RNF168: variants seen among roughly 807,000 people sequenced by gnomAD.
RNF168 encodes the protein ring finger protein 168, also known as E3 ubiquitin-protein ligase RNF168.
RNF168 carries 34 observed loss-of-function variants against 34.9 expected under a neutral mutation model. The observed-to-expected ratio is 0.97, with a 90% CI of 0.74 to 1.30. RNF168 has a LOEUF of 1.30. Among genes scored for constraint, RNF168 ranks in the 50% most tolerant of loss-of-function variants. RNF168 has a pLI of 0.00. For missense variants in RNF168, 725 were observed against 682.5 expected (o/e 1.06, Z -0.69); for synonymous variants, 264 against 254.7 (o/e 1.04, Z -0.35).
chr3:196,492,637 G>A (rs1285248228), intron 1 of RNF168, among the ~76,000 whole-genome samples: 1 of 152,048 alleles, frequency 6.6e-6, no homozygotes, highest in Non-Finnish European at 1.5e-5. Context: ...AATTAGCCAC[G>A]TGTGGTGGTG....
chr3:196,496,288 T>C (rs1732740913), intron 1 of RNF168, among the ~76,000 whole-genome samples: 1 of 152,224 alleles, frequency 6.6e-6, no homozygotes, highest in Admixed American at 6.5e-5. Flanking sequence ...AGCAGGGCCA[T>C]GACACTTTTC....
chr3:196,481,272 T>C (rs1205884946), intron 4 of RNF168, among the ~76,000 whole-genome samples: 1 of 152,108 alleles, frequency 6.6e-6, no homozygotes, highest in East Asian at 1.9e-4. Context: ...TGCGTATTCC[T>C]GACCTTACAA....
At chr3:196,479,011 TTTTA>T (rs908118875) in intron 4 of RNF168, among the ~76,000 whole-genome samples, 6 of 146,208 alleles carry the variant, frequency 4.1e-5, no homozygotes, top group African/African-American at 1.3e-4. Context: ...CTGGCCATTA[TTTTA>T]TTTATTTTTT....
chr3:196,490,134 C>T (rs1230555893), intron 1 of RNF168, among the ~76,000 whole-genome samples: 1 of 152,098 alleles, frequency 6.6e-6, no homozygotes, highest in Non-Finnish European at 1.5e-5. Flanking sequence ...ATCCAAGGAT[C>T]GTCAGACATT....
chr3:196,491,259 G>A (rs113021322), intron 1 of RNF168, among the ~76,000 whole-genome samples: 1,988 of 152,208 alleles, frequency 0.013, 57 homozygotes, highest in African/African-American at 0.046. Flanking sequence ...GCTGCAGTGA[G>A]CCGACATTGC....
At chr3:196,481,514 C>T (rs1406186409) in intron 4 of RNF168, among the ~76,000 whole-genome samples, 25 of 151,694 alleles carry the variant, frequency 1.6e-4, no homozygotes, top group Admixed American at 1.4e-3. Context: ...TGGTAGATAT[C>T]CTTCAACAGG....
At chr3:196,500,899 G>A (rs1392211335) in intron 1 of RNF168, among the ~76,000 whole-genome samples, 2 of 151,676 alleles carry the variant, frequency 1.3e-5, no homozygotes, top group African/African-American at 4.8e-5. Flanking sequence ...TTTTAGTAGA[G>A]AGGGGGTTTC....
At chr3:196,489,623 G>C (rs939325033) in intron 1 of RNF168, among the ~76,000 whole-genome samples, 1 of 152,106 alleles carries the variant, frequency 6.6e-6, no homozygotes, top group Non-Finnish European at 1.5e-5. Context: ...CACCGTGCCC[G>C]GCTCCAGTTA....
chr3:196,488,589 A>C lies in RNF168; in HGVS notation c.378+18T>G. 1.3e-6 allele frequency: 2 copies of C among 1,491,276 alleles called. No homozygotes were observed. Among genetic ancestry groups the C allele is most frequent in the South Asian group, 1.2e-5 (1 of 86,196 alleles). 92.4% of individuals were successfully genotyped at this position (1,491,276 alleles called of 1,614,324 possible). ...CAGCAGAGAAATATTCCAAAAAAAA[A>C]AACTATTTAGCACCTACCTTGCTTA... On this transcript the variant is annotated intron_variant, in intron 2 of 5. Coordinates refer to ENST00000318037, the MANE Select transcript of RNF168 (RefSeq NM_152617.4).
intron 1 of RNF168, among the ~76,000 whole-genome samples, chr3:196,498,420 G>A (rs1332459379): frequency 6.6e-6 from 1 of 151,858 alleles, no homozygotes; most frequent in Non-Finnish European, 1.5e-5. Context: ...CCCAAAGTGC[G>A]TGAGCCACCA....
chr3:196,471,196 C>CAAAAAAAAAAAAAAAAAAAAAAAAAAAAA lies in RNF168; in HGVS notation c.*594_*622dup, dbSNP rs57647149. On this transcript the variant is annotated 3_prime_UTR_variant, in exon 6 of 6. Coordinates refer to ENST00000318037, the MANE Select transcript of RNF168 (RefSeq NM_152617.4). ...GCGTGACAGAGCAAGACTCTGTCTC[C>CAAAAAAAAAAAAAAAAAAAAAAAAAAAAA]AAAAAAAAAAAAAAAAAAAAAAAAA... 4.9e-5 allele frequency: 2 copies of CAAAAAAAAAAAAAAAAAAAAAAAAAAAAA among 40,642 alleles called. 1 individual carries two copies. Among genetic ancestry groups the CAAAAAAAAAAAAAAAAAAAAAAAAAAAAA allele is most frequent in the Non-Finnish European group, 8.9e-5 (2 of 22,424 alleles). 2.5% of individuals were successfully genotyped at this position (40,642 alleles called of 1,614,324 possible).
Position 196,472,468 on chromosome 3 carries a change from G to A in RNF168, c.1067C>T (p.Ala356Val). 1 of 1,614,162 alleles carries A rather than the reference G, an allele frequency of 6.2e-7. No individual in the cohort carries two copies. Among genetic ancestry groups the A allele is most frequent in the Middle Eastern group, 1.7e-4 (1 of 6,060 alleles). Reference sequence around the variant, plus strand: ...TGTCTGTGTCACCCCTGATGTGGGGGCGCACCCACTTTCTGTTCTGCCACA... The same window carrying A: ...TGTCTGTGTCACCCCTGATGTGGGGACGCACCCACTTTCTGTTCTGCCACA... The part of the protein sequence containing the change: ...MPCGRTESGC[A>V]PTSGVTQTNG... The change falls in exon 6 of 6, where the codon GCC (alanine) becomes GTC (valine). Residue 356 changes from alanine to valine, a missense_variant. By Grantham distance (64) the Ala-to-Val change is moderately conservative. Coordinates refer to ENST00000318037, the MANE Select transcript of RNF168 (RefSeq NM_152617.4).
At chr3:196,479,019 AT>A (rs1045778969) in intron 4 of RNF168, among the ~76,000 whole-genome samples, 1 of 135,002 alleles carries the variant, frequency 7.4e-6, no homozygotes. Context: ...TATTTTATTT[AT>A]TTTTTTTTGA....
At chr3:196,483,954 T>C in intron 3 of RNF168, 63 bp from the exon 4 acceptor site, 1 of 1,206,264 alleles carries the variant, frequency 8.3e-7, no homozygotes, top group Non-Finnish European at 1.2e-6. Context: ...AAATAAGCTA[T>C]TAATTTGACT....
intron 1 of RNF168, among the ~76,000 whole-genome samples, chr3:196,495,178 T>TGC (rs141691081): frequency 2.1e-4 from 31 of 150,508 alleles, no homozygotes; most frequent in Admixed American, 4.0e-4. Context: ...TTGCCTTTCG[T>TGC]GTGTGTGTGT....
At chr3:196,475,192 G>C (rs767634021) in intron 5 of RNF168, 39 bp downstream of exon 5, 4 of 1,153,886 alleles carry the variant, frequency 3.5e-6, no homozygotes, top group Admixed American at 3.4e-5. Flanking sequence ...CAGCATTAAT[G>C]AACCAGCAAA....
At chr3:196,493,291 CTG>C (rs2108652662) in intron 1 of RNF168, among the ~76,000 whole-genome samples, 1 of 152,336 alleles carries the variant, frequency 6.6e-6, no homozygotes, top group Admixed American at 6.5e-5. Context: ...TCTACATAAA[CTG>C]AATCTAAATT....
In RNF168 at chr3:196,469,486, G is replaced by A. The variant is rs878905744; in HGVS notation, c.*2333C>T. On this transcript the variant is annotated 3_prime_UTR_variant, in exon 6 of 6. Coordinates refer to ENST00000318037, the MANE Select transcript of RNF168 (RefSeq NM_152617.4). Reference sequence around the variant, plus strand: ...GAGGAAAAAAACTTAATGACATACAGAAATACTGGCAAATTTAAGCTAGAA... The same window carrying A: ...GAGGAAAAAAACTTAATGACATACAAAAATACTGGCAAATTTAAGCTAGAA... 9.9e-5 allele frequency: 15 copies of A among 152,176 alleles called. No individual in the cohort carries two copies. The South Asian group carries it at 3.1e-3, about 32-fold the overall frequency. 9.4% of individuals were successfully genotyped at this position (152,176 alleles called of 1,614,324 possible).
At chr3:196,475,917 T>C (rs1347243685) in intron 4 of RNF168, among the ~76,000 whole-genome samples, 2 of 151,382 alleles carry the variant, frequency 1.3e-5, no homozygotes, top group Non-Finnish European at 2.9e-5. Flanking sequence ...TGGAGTGCAG[T>C]GGCGCGATCT....
Sources: gnomAD v4.1 joint callset for allele counts (sites outside exome capture counted in the v4.1 genomes callset) on GRCh38, gnomAD v4.1.1 for gene constraint, MANE v1.5 for transcripts, NCBI Gene and HGNC (gene_info 2026-07-23, HGNC 2026-07-21) for gene names.